SPMAP2L: variants seen among roughly 807,000 people sequenced by gnomAD.
SPMAP2L encodes the protein sperm microtubule associated protein 2-like.
At chr4:56,557,149 T>A in the SPMAP2L span, among the ~76,000 whole-genome samples, 1 of 151,406 alleles carries the variant, frequency 6.6e-6, no homozygotes, top group South Asian at 2.1e-4. Flanking sequence ...TTCGGGAGGC[T>A]GAGGCAGGAG....
the SPMAP2L span, among the ~76,000 whole-genome samples, chr4:56,550,630 A>G: frequency 6.6e-6 from 1 of 152,216 alleles, no homozygotes; most frequent in East Asian, 1.9e-4. Context: ...TTTGTGTCCC[A>G]TAAATTTTTA....
At chr4:56,552,718 C>G in the SPMAP2L span, 1 of 688,872 alleles carries the variant, frequency 1.5e-6, no homozygotes, top group Non-Finnish European at 2.5e-6. Flanking sequence ...ATCCTCTGAA[C>G]CAATATTGTC....
At chr4:56,568,921 C>A in the SPMAP2L span, among the ~76,000 whole-genome samples, 6 of 152,096 alleles carry the variant, frequency 3.9e-5, no homozygotes, top group South Asian at 2.1e-4. Context: ...ATATGTTGTT[C>A]TTTGTGACTG....
At chr4:56,588,498 C>A in the SPMAP2L span, among the ~76,000 whole-genome samples, 1 of 150,462 alleles carries the variant, frequency 6.6e-6, no homozygotes, top group East Asian at 2.0e-4. Context: ...ATGGTGCGAT[C>A]TTGGCTCACT....
the SPMAP2L span, among the ~76,000 whole-genome samples, chr4:56,599,891 A>C: frequency 2.0e-5 from 3 of 152,194 alleles, no homozygotes; most frequent in African/African-American, 7.2e-5. Flanking sequence ...TGTGGCCAAC[A>C]AACATATGAA....
the SPMAP2L span, among the ~76,000 whole-genome samples, chr4:56,613,099 G>A: frequency 6.6e-6 from 1 of 152,116 alleles, no homozygotes; most frequent in East Asian, 1.9e-4. Context: ...TTCCCAGAGG[G>A]TTTTACTTCC....
the SPMAP2L span, chr4:56,548,798 G>T: frequency 6.7e-7 from 1 of 1,487,002 alleles, no homozygotes; most frequent in Non-Finnish European, 8.9e-7. Flanking sequence ...AGCAAATCCT[G>T]TTTCCTGTGA....
At chr4:56,574,270 T>C in the SPMAP2L span, among the ~76,000 whole-genome samples, 4 of 152,024 alleles carry the variant, frequency 2.6e-5, no homozygotes, top group Non-Finnish European at 5.9e-5. Flanking sequence ...TATAAAAAAA[T>C]TAGCCCAGCA....
chr4:56,559,478 T>G, the SPMAP2L span: 1 of 1,532,940 alleles, frequency 6.5e-7, no homozygotes, highest in East Asian at 2.5e-5. Context: ...CTTGAGAACC[T>G]TGCCCAGCCC....
the SPMAP2L span, among the ~76,000 whole-genome samples, chr4:56,575,880 TA>T: frequency 6.6e-6 from 1 of 152,214 alleles, no homozygotes; most frequent in Non-Finnish European, 1.5e-5. Flanking sequence ...TTACCATTGT[TA>T]GCCAGTTAAA....
chr4:56,537,451 A>G, the SPMAP2L span, among the ~76,000 whole-genome samples: 1 of 152,290 alleles, frequency 6.6e-6, no homozygotes, highest in Admixed American at 6.5e-5. Flanking sequence ...TTTTTCAAAC[A>G]GAAGTCTTGA....
At chr4:56,595,873 A>G in the SPMAP2L span, among the ~76,000 whole-genome samples, 1 of 152,372 alleles carries the variant, frequency 6.6e-6, no homozygotes, top group South Asian at 2.1e-4. Flanking sequence ...ATGTAAATAC[A>G]GTACCTGGAG....
the SPMAP2L span, among the ~76,000 whole-genome samples, chr4:56,538,580 A>G: frequency 1.3e-5 from 2 of 152,206 alleles, no homozygotes; most frequent in African/African-American, 4.8e-5. Flanking sequence ...AAGCAGGCAG[A>G]TCACCTGAGG....
At chr4:56,565,343 G>A in the SPMAP2L span, among the ~76,000 whole-genome samples, 1,076 of 152,230 alleles carry the variant, frequency 7.1e-3, 18 homozygotes, top group African/African-American at 0.024. Context: ...GTACTCTAAA[G>A]CTCTGTTATT....
chr4:56,592,590 A>G, the SPMAP2L span, among the ~76,000 whole-genome samples: 3 of 152,214 alleles, frequency 2.0e-5, no homozygotes, highest in African/African-American at 7.2e-5. Flanking sequence ...CGGGGGACCG[A>G]GGCCAGGAGA....
chr4:56,592,015 C>CGT, the SPMAP2L span, among the ~76,000 whole-genome samples: 1 of 152,130 alleles, frequency 6.6e-6, no homozygotes, highest in African/African-American at 2.4e-5. Context: ...AATACCGGTC[C>CGT]GTGGCCTGTT....
the SPMAP2L span, among the ~76,000 whole-genome samples, chr4:56,604,228 T>G: frequency 6.6e-6 from 1 of 152,238 alleles, no homozygotes; most frequent in Non-Finnish European, 1.5e-5. Flanking sequence ...ACCAGGTATG[T>G]GATCTTAAAC....
the SPMAP2L span, among the ~76,000 whole-genome samples, chr4:56,579,054 A>G: frequency 1.5e-3 from 224 of 152,178 alleles, 1 homozygote; most frequent in East Asian, 0.037. Context: ...GGGTAGAATA[A>G]CAAGCAGAAG....
At chr4:56,586,604 T>C in the SPMAP2L span, among the ~76,000 whole-genome samples, 1 of 152,194 alleles carries the variant, frequency 6.6e-6, no homozygotes, top group Non-Finnish European at 1.5e-5. Flanking sequence ...GAAAGCTAGA[T>C]AGACTCAGTT....
Sources: allele counts gnomAD v4.1 joint callset (sites outside exome capture counted in the v4.1 genomes callset), GRCh38; gene constraint gnomAD v4.1.1; transcripts MANE v1.5; gene names NCBI Gene and HGNC (gene_info 2026-07-23, HGNC 2026-07-21).